Variants in LDLRAP1 observed in about 807,000 individuals in gnomAD.
The protein encoded by LDLRAP1 is low density lipoprotein receptor adapter protein 1.
Under a neutral mutation model 37.8 loss-of-function variants are expected in LDLRAP1, and 30 were observed. The ratio of observed to expected loss-of-function variants is 0.79; its 90% CI spans 0.59 to 1.08. LDLRAP1 has a LOEUF of 1.08. LDLRAP1 is among the 50% of genes least tolerant of loss of function. The pLI is 0.00. For missense variants in LDLRAP1, 375 were observed against 401.6 expected (o/e 0.93, Z 0.57); for synonymous variants, 156 against 169.8 (o/e 0.92, Z 0.63).
chr1:25,588,148 G>A, the LDLRAP1 span, among the ~76,000 whole-genome samples: 1 of 152,174 alleles, frequency 6.6e-6, no homozygotes. Context: ...CACTGCGGAA[G>A]GCCGCAGGGA....
rs180749713 is a variant in LDLRAP1 at position 25,553,698 on chromosome 1, G to C, written c.89-224G>C. On this transcript the variant is annotated intron_variant, in intron 1 of 8. Coordinates refer to ENST00000374338, the MANE Select transcript of LDLRAP1 (RefSeq NM_015627.3). ...AGGCAGGAGAATCGCTTGAACCTGG[G>C]GTGCAGAGGTTGCAGTAAGCTGAGC... The C allele has an allele frequency of 9.0e-3, 4,932 of 550,266 alleles. 37 individuals carry two copies. Among genetic ancestry groups the C allele is most frequent in the Non-Finnish European group, 0.013 (3,997 of 309,098 alleles). 34.1% of individuals were successfully genotyped at this position (550,266 alleles called of 1,614,324 possible).
intron 6 of LDLRAP1, 134 bp downstream of exon 6, chr1:25,563,287 G>A: frequency 7.5e-6 from 5 of 667,244 alleles, no homozygotes; most frequent in South Asian, 5.7e-5. Flanking sequence ...AATAATACAC[G>A]TTCATTACAG....
chr1:25,547,205 G>A (rs2043955092), intron 1 of LDLRAP1, among the ~76,000 whole-genome samples: 1 of 152,094 alleles, frequency 6.6e-6, no homozygotes, highest in African/African-American at 2.4e-5. Flanking sequence ...ATTACCAGCA[G>A]GGCGCGGTGG....
At chr1:25,564,528 CAT>C (rs1178234388) in intron 7 of LDLRAP1, 1 of 155,698 alleles carries the variant, frequency 6.4e-6, no homozygotes, top group Non-Finnish European at 1.4e-5. Flanking sequence ...TGCAGAATCA[CAT>C]GTTAACTTGT....
chr1:25,562,888 C>A (rs1337614798), intron 5 of LDLRAP1, 172 bp downstream of exon 5: 3 of 801,548 alleles, frequency 3.7e-6, no homozygotes. Context: ...ATGGGAACAG[C>A]CGTCTCCCTC....
rs142964228 is a variant in LDLRAP1, at chr1:25,560,526, G to A, written c.460-2118G>A. On this transcript the variant is annotated intron_variant, in intron 4 of 8. Coordinates refer to ENST00000374338, the MANE Select transcript of LDLRAP1 (RefSeq NM_015627.3). ...TCCAAAGTGAAGGTGTCATGCAGGT[G>A]CTGGGCCTGGGCTGATGGTAAGCAA... Among the ~76,000 whole-genome samples the A allele has an allele frequency of 3.7e-3, 570 of 152,330 alleles. 6 individuals carry two copies. Among genetic ancestry groups the A allele is most frequent in the African/African-American group, 0.013 (520 of 41,556 alleles).
At chr1:25,563,335 C>A (rs2044391991) in intron 6 of LDLRAP1, among the ~76,000 whole-genome samples, 182 bp downstream of exon 6, 1 of 152,200 alleles carries the variant, frequency 6.6e-6, no homozygotes, top group Non-Finnish European at 1.5e-5. Context: ...AGAAATAACT[C>A]ATTTTAGTAC....
chr1:25,557,038 TGGTGGAGTGG>T, intron 3 of LDLRAP1, 105 bp from the exon 4 acceptor site: 1 of 792,192 alleles, frequency 1.3e-6, no homozygotes, highest in Non-Finnish European at 2.2e-6. Context: ...GAGTCTGCCC[TGGTGGAGTGG>T]GAATAGCAGG....
At chr1:25,569,252 T>G (rs2044567375), downstream of LDLRAP1, among the ~76,000 whole-genome samples, 1 of 152,230 alleles carries the variant, frequency 6.6e-6, no homozygotes, top group Non-Finnish European at 1.5e-5. Flanking sequence ...AGGATGTCCA[T>G]TATTTCCATC....
intron 4 of LDLRAP1, 55 bp from the exon 5 acceptor site, chr1:25,562,589 T>C (rs1182372645): frequency 2.6e-5 from 39 of 1,488,040 alleles, no homozygotes; most frequent in Non-Finnish European, 3.3e-5. Flanking sequence ...CAGTGCAGAC[T>C]TGCTCTGCCC....
chr1:25,562,735 A>G lies in LDLRAP1; in HGVS notation c.532+19A>G, dbSNP rs774072186. 1.9e-6 allele frequency: 3 copies of G among 1,609,868 alleles called. No homozygotes were observed. The highest frequency in any genetic ancestry group is 1.1e-5 in the South Asian group (1 of 90,982). ...AAGGAAGGTGAGACTTTGCATCTAC[A>G]TTGTGGGTGTGGTGGGAGGTGGGGA... On this transcript the variant is annotated intron_variant, in intron 5 of 8. Transcript: ENST00000374338.
chr1:25,561,264 A>G (rs956411486), intron 4 of LDLRAP1, among the ~76,000 whole-genome samples: 12 of 152,224 alleles, frequency 7.9e-5, no homozygotes, highest in Non-Finnish European at 4.4e-5. Context: ...TAAATTGTAA[A>G]CAGCTGCGAA....
In LDLRAP1 at chr1:25,563,754, C is replaced by T. The variant is rs746229586; in HGVS notation, c.710C>T (p.Pro237Leu). 22 of 1,613,976 alleles carry T rather than the reference C, an allele frequency of 1.4e-5. No individual in the cohort carries two copies. Among genetic ancestry groups the T allele is most frequent in the Admixed American group, 1.7e-5 (1 of 60,024 alleles). The change falls in exon 7 of 9, where the codon CCG becomes CTG. Residue 237 changes from proline to leucine, a missense_variant. Transcript: ENST00000374338. ...AACACCACCAACATGGACGAGGTGC[C>T]GCGGCCACAAGCCTTGAGTGGCAGC... ...SANTTNMDEVPRPQALSGSSV... is the reference protein window; with the variant it reads ...SANTTNMDEVLRPQALSGSSV...
At chr1:25,564,379 A>G (rs777533417) in intron 7 of LDLRAP1, 62 of 179,592 alleles carry the variant, frequency 3.5e-4, no homozygotes, top group Admixed American at 3.8e-4. Context: ...AGATTCCCCA[A>G]TTGTTAACAT....
intron 4 of LDLRAP1, 90 bp from the exon 5 acceptor site, chr1:25,562,554 G>A (rs1349605418): frequency 4.7e-6 from 5 of 1,068,722 alleles, no homozygotes; most frequent in Non-Finnish European, 5.8e-6. Flanking sequence ...GAGCCAGGGG[G>A]CCTGGCCTGG....
intron 1 of LDLRAP1, among the ~76,000 whole-genome samples, chr1:25,547,479 T>C (rs2043962457): frequency 7.0e-6 from 1 of 142,744 alleles, no homozygotes; most frequent in Non-Finnish European, 1.5e-5. Context: ...TGAGACTTTG[T>C]CTCAAATAAT....
In LDLRAP1 at chr1:25,557,417, G is replaced by A. The variant is rs139054285; in HGVS notation, c.459+150G>A. ...TCTCTGGGAACCCCAAGTGGGTGCC[G>A]AGAGCTAAGGGGTACAGTGGTGGGG... On this transcript the variant is annotated intron_variant, in intron 4 of 8. Transcript: ENST00000374338. 13 of 661,058 alleles carry A rather than the reference G, an allele frequency of 2.0e-5. No homozygotes were observed. The South Asian group carries it at 2.3e-4, about 12-fold the overall frequency. 40.9% of individuals were successfully genotyped at this position (661,058 alleles called of 1,614,324 possible). A position where few individuals can be genotyped will look rare whatever the true frequency, so the allele number is the denominator to read the frequency against.
At chr1:25,548,505 A>C (rs1390511424) in intron 1 of LDLRAP1, among the ~76,000 whole-genome samples, 1 of 151,192 alleles carries the variant, frequency 6.6e-6, no homozygotes, top group Non-Finnish European at 1.5e-5. Flanking sequence ...CTGCCACCAC[A>C]CACAGCTAAT....
the LDLRAP1 span, among the ~76,000 whole-genome samples, chr1:25,575,702 C>A: frequency 6.6e-6 from 1 of 152,170 alleles, no homozygotes; most frequent in Non-Finnish European, 1.5e-5. Context: ...GCGGGACCGG[C>A]GTCTTGGGCC....
Sources: allele counts gnomAD v4.1 joint callset (sites outside exome capture counted in the v4.1 genomes callset), GRCh38; gene constraint gnomAD v4.1.1; transcripts MANE v1.5; gene names NCBI Gene and HGNC (gene_info 2026-07-23, HGNC 2026-07-21).